SAMMSON: variants seen among roughly 807,000 people sequenced by gnomAD.
SAMMSON encodes the protein long intergenic non-protein coding RNA 1212.
rs144185661 is a variant in SAMMSON at position 70,306,363 on chromosome 3, G to A, written n.739+15120G>A. ...CCTGACCTCATGATCTACCCGCCTC[G>A]GCCTCCCAAAGTGCTGGGATTATAG... On this transcript the variant is annotated intron_variant and non_coding_transcript_variant, in intron 7 of 9. Coordinates refer to ENST00000642114, the Ensembl canonical transcript of SAMMSON. Among the ~76,000 whole-genome samples the A allele has an allele frequency of 8.2e-3, 1,252 of 152,126 alleles. 16 individuals carry two copies. Among genetic ancestry groups the A allele is most frequent in the African/African-American group, 0.028 (1,181 of 41,512 alleles).
chr3:70,182,481 G>A (rs1199424838), intron 4 of SAMMSON, among the ~76,000 whole-genome samples: 12 of 152,140 alleles, frequency 7.9e-5, no homozygotes, highest in Admixed American at 7.2e-4. Flanking sequence ...TTGGAATTAG[G>A]AGAGCTTGCC....
intron 4 of SAMMSON, among the ~76,000 whole-genome samples, chr3:70,225,921 C>T (rs886625792): frequency 3.3e-5 from 5 of 152,166 alleles, no homozygotes; most frequent in African/African-American, 4.8e-5. Flanking sequence ...TTTGTTCCCT[C>T]GCCATCTACC....
intron 6 of SAMMSON, among the ~76,000 whole-genome samples, chr3:70,289,808 T>G (rs1310101639): frequency 6.6e-6 from 1 of 152,118 alleles, no homozygotes; most frequent in East Asian, 1.9e-4. Flanking sequence ...ATTTCATTCA[T>G]TTCATCTTCC....
chr3:70,070,555 T>C (rs1436825188), intron 3 of SAMMSON, among the ~76,000 whole-genome samples: 1 of 151,886 alleles, frequency 6.6e-6, no homozygotes, highest in African/African-American at 2.4e-5. Flanking sequence ...ATTACCATGG[T>C]GTAAGAATGA....
intron 2 of SAMMSON, among the ~76,000 whole-genome samples, chr3:70,418,388 G>T (rs893234305): frequency 6.6e-6 from 1 of 152,096 alleles, no homozygotes; most frequent in Non-Finnish European, 1.5e-5. Context: ...GGGTGGTCAG[G>T]TACTTATGTA....
At chr3:70,182,161 T>C (rs1701058348) in intron 4 of SAMMSON, among the ~76,000 whole-genome samples, 1 of 152,136 alleles carries the variant, frequency 6.6e-6, no homozygotes, top group Admixed American at 6.5e-5. Context: ...AAGGAGGTTT[T>C]TTTTAATTCC....
chr3:70,399,854 C>CAA (rs61687359), intron 2 of SAMMSON, among the ~76,000 whole-genome samples: 1,336 of 85,370 alleles, frequency 0.016, 22 homozygotes, highest in African/African-American at 0.053. Flanking sequence ...GACTCTGACT[C>CAA]AAAAAAAAAA....
At chr3:70,155,629 G>C (rs941908496) in intron 4 of SAMMSON, among the ~76,000 whole-genome samples, 1 of 152,006 alleles carries the variant, frequency 6.6e-6, no homozygotes, top group African/African-American at 2.4e-5. Flanking sequence ...AAGTCAAATT[G>C]GCTTGGGCAG....
chr3:70,324,922 A>C (rs1411738885), intron 7 of SAMMSON, among the ~76,000 whole-genome samples: 1 of 148,538 alleles, frequency 6.7e-6, no homozygotes, highest in Non-Finnish European at 1.5e-5. Context: ...TAAATGGCCA[A>C]AAAAAAAAAA....
intron 4 of SAMMSON, among the ~76,000 whole-genome samples, chr3:70,076,179 T>A (rs2067248030): frequency 6.6e-6 from 1 of 152,058 alleles, no homozygotes; most frequent in East Asian, 1.9e-4. Context: ...TAATACGGGA[T>A]TTAATAACCT....
intron 6 of SAMMSON, among the ~76,000 whole-genome samples, chr3:70,266,327 A>C (rs1026508747): frequency 6.6e-6 from 1 of 152,126 alleles, no homozygotes; most frequent in Non-Finnish European, 1.5e-5. Flanking sequence ...TGTTTTGATT[A>C]AACTGTAATC....
chr3:70,385,787 C>T lies in SAMMSON; in HGVS notation n.914-3787C>T, dbSNP rs1703118607. Among the ~76,000 whole-genome samples the T allele has an allele frequency of 2.0e-5, 3 of 152,110 alleles. No individual in the cohort carries two copies. In the South Asian group the frequency reaches 6.2e-4, roughly 32 times the overall value. On this transcript the variant is annotated intron_variant and non_coding_transcript_variant, in intron 9 of 9. Transcript: ENST00000642114. ...TCTTGTCCATTATTTATTTTAAGCT[C>T]CTAAAGTACAGATATGTCATCTTAA...
chr3:70,153,837 C>T (rs528157297), intron 4 of SAMMSON, among the ~76,000 whole-genome samples: 1 of 152,068 alleles, frequency 6.6e-6, no homozygotes, highest in South Asian at 2.1e-4. Flanking sequence ...ACGCTGTACC[C>T]ACTGAACTCA....
At chr3:70,122,909 T>C (rs1354273296) in intron 4 of SAMMSON, among the ~76,000 whole-genome samples, 1 of 152,236 alleles carries the variant, frequency 6.6e-6, no homozygotes, top group Non-Finnish European at 1.5e-5. Flanking sequence ...TATTTTCTTT[T>C]GTATAGCATT....
At chr3:70,089,405 T>C (rs1031708429) in intron 4 of SAMMSON, among the ~76,000 whole-genome samples, 1 of 152,154 alleles carries the variant, frequency 6.6e-6, no homozygotes, top group Admixed American at 6.6e-5. Flanking sequence ...AAAGGAAAAC[T>C]GAGTCAAACA....
chr3:70,039,593 TCACACACACACACACA>T (rs56058406), intron 3 of SAMMSON, among the ~76,000 whole-genome samples: 77 of 135,700 alleles, frequency 5.7e-4, no homozygotes, highest in African/African-American at 1.3e-3. Context: ...ACACATCTCT[TCACACACACACACACA>T]CACACACACA....
chr3:70,142,040 G>C (rs928365521), intron 4 of SAMMSON, among the ~76,000 whole-genome samples: 1 of 152,048 alleles, frequency 6.6e-6, no homozygotes, highest in Non-Finnish European at 1.5e-5. Flanking sequence ...AATAGATGTT[G>C]GTGTGAATGC....
chr3:70,052,655 A>C (rs2067150869), intron 3 of SAMMSON, among the ~76,000 whole-genome samples: 1 of 152,110 alleles, frequency 6.6e-6, no homozygotes, highest in Admixed American at 6.5e-5. Flanking sequence ...TGTTTAAATC[A>C]AGGTTTCTCA....
At chr3:70,006,953 C>T (rs1450597045) in intron 1 of SAMMSON, among the ~76,000 whole-genome samples, 3 of 152,110 alleles carry the variant, frequency 2.0e-5, no homozygotes, top group South Asian at 4.2e-4. Flanking sequence ...CAGCTTCATC[C>T]ATGTCCCTAC....
Sources: allele counts gnomAD v4.1 joint callset (sites outside exome capture counted in the v4.1 genomes callset), GRCh38; gene constraint gnomAD v4.1.1; transcripts MANE v1.5; gene names NCBI Gene and HGNC (gene_info 2026-07-23, HGNC 2026-07-21).